Variants in PER3 observed in about 807,000 individuals in gnomAD.
The protein encoded by PER3 is period circadian regulator 3.
In PER3, 107 loss-of-function variants were observed where a neutral mutation model predicts 127.2. That is an observed-to-expected ratio of 0.84 (90% CI 0.72 to 0.99). The LOEUF is 0.99. PER3 is among the 50% of genes least tolerant of loss of function. The probability of loss-of-function intolerance (pLI) is 0.00; values close to 1 mark genes in which losing one functional copy is unlikely to be tolerated. For synonymous variants in PER3, 618 were observed against 585.8 expected, an observed-to-expected ratio of 1.05 and a Z score of -0.79; for missense variants, 1,560 against 1,525.8, an observed-to-expected ratio of 1.02 and a Z score of -0.37.
intron 21 of PER3, among the ~76,000 whole-genome samples, chr1:7,839,222 G>A (rs1473200542): frequency 3.3e-5 from 5 of 152,156 alleles, no homozygotes; most frequent in Non-Finnish European, 5.9e-5. Context: ...ACTCGCTTCT[G>A]TAGAGCTCCA....
chr1:7,820,084 A>G lies in PER3; in HGVS notation c.1659-31A>G, dbSNP rs1415166094. 5 of 1,607,826 alleles carry G rather than the reference A, an allele frequency of 3.1e-6. No individual in the cohort carries two copies. The African/African-American group carries it at 6.7e-5, about 22-fold the overall frequency. On this transcript the variant is annotated intron_variant, in intron 14 of 21. Transcript: ENST00000377532. ...GAAATGGCACAATTAGGGAACAGGTAAGAATGTGTGGCCTAATTATGTTGT... is the reference window on the plus strand; with the variant it reads ...GAAATGGCACAATTAGGGAACAGGTGAGAATGTGTGGCCTAATTATGTTGT...
chr1:7,835,181 G>C (rs370259969), intron 19 of PER3, among the ~76,000 whole-genome samples: 11 of 152,128 alleles, frequency 7.2e-5, no homozygotes, highest in African/African-American at 2.2e-4. Flanking sequence ...AGGATTCCCA[G>C]GTATTTTGAT....
Position 7,827,617 on chromosome 1 carries a change from T to TC in PER3, c.2690dup (p.Thr898AsnfsTer50), listed in dbSNP as rs1292458436. Reference sequence around the variant, plus strand: ...CACCCTCAATGTCGTCAGCAATGAGTCCAACTCTGGACCCACCCCCTTCAG... The same window carrying TC: ...CACCCTCAATGTCGTCAGCAATGAGTCCCAACTCTGGACCCACCCCCTTCAG... On this transcript the variant is annotated frameshift_variant, in exon 18 of 22. Transcript: ENST00000377532. LOFTEE classifies it high-confidence loss of function. 4 of 1,613,870 alleles carry TC rather than the reference T, an allele frequency of 2.5e-6. No individual in the cohort carries two copies. The highest frequency in any genetic ancestry group is 2.2e-5 in the South Asian group (2 of 91,084).
chr1:7,814,878 C>T (rs969574033), intron 13 of PER3, among the ~76,000 whole-genome samples: 3 of 152,030 alleles, frequency 2.0e-5, no homozygotes, highest in African/African-American at 7.3e-5. Context: ...ACACTGAGTA[C>T]TCAAGAATAT....
intron 13 of PER3, among the ~76,000 whole-genome samples, chr1:7,813,454 A>G (rs1040279914): frequency 6.6e-6 from 1 of 152,196 alleles, no homozygotes; most frequent in Non-Finnish European, 1.5e-5. Context: ...ACATATTTGC[A>G]GGGAGGAGCA....
rs546226114 is a variant in PER3, at chr1:7,839,096, G to A, written c.3549+1947G>A. On this transcript the variant is annotated intron_variant, in intron 21 of 21. Coordinates refer to ENST00000377532, the MANE Select transcript of PER3 (RefSeq NM_001377275.1). ...AAATGTAATGCCCTGCTCATTTCCT[G>A]TTGTGTATATTGTGTAGCTATTTTC... Among the ~76,000 whole-genome samples the A allele has an allele frequency of 5.9e-5, 9 of 152,116 alleles. 1 individual carries two copies. The highest frequency in any genetic ancestry group is 2.2e-4 in the African/African-American group (9 of 41,460).
At chr1:7,818,778 C>G (rs1225559223) in intron 13 of PER3, among the ~76,000 whole-genome samples, 2 of 152,222 alleles carry the variant, frequency 1.3e-5, no homozygotes, top group African/African-American at 4.8e-5. Context: ...GTTACGTTAG[C>G]ACATATAATA....
intron 2 of PER3, 118 bp from the exon 3 acceptor site, chr1:7,785,323 T>C (rs1319622778): frequency 2.6e-6 from 2 of 772,638 alleles, no homozygotes; most frequent in Non-Finnish European, 4.3e-6. Flanking sequence ...GTCACCACCC[T>C]GTGGACTGAT....
At chr1:7,797,306 T>C (rs1057477541) in intron 6 of PER3, among the ~76,000 whole-genome samples, 17 of 151,720 alleles carry the variant, frequency 1.1e-4, no homozygotes, top group African/African-American at 3.9e-4. Flanking sequence ...GGGTGCAGAG[T>C]GGGAGAAGAT....
chr1:7,823,715 G>A (rs1001733180), intron 16 of PER3, among the ~76,000 whole-genome samples: 1 of 151,186 alleles, frequency 6.6e-6, no homozygotes. Flanking sequence ...TTGGAAAATT[G>A]TACACTCCCT....
At chr1:7,789,210 T>C in intron 5 of PER3, among the ~76,000 whole-genome samples, 1 of 151,726 alleles carries the variant, frequency 6.6e-6, no homozygotes, top group Non-Finnish European at 1.5e-5. Context: ...AAAAAATTCA[T>C]TGTAGTAAAA....
chr1:7,830,485 C>T (rs771720329), intron 19 of PER3, among the ~76,000 whole-genome samples: 1 of 152,202 alleles, frequency 6.6e-6, no homozygotes, highest in South Asian at 2.1e-4. Flanking sequence ...TCCTGGCAGC[C>T]ACTGGTTTGC....
At chr1:7,786,694 A>G (rs1471927846) in intron 3 of PER3, 27 bp from the exon 4 acceptor site, 1 of 1,137,882 alleles carries the variant, frequency 8.8e-7, no homozygotes, top group East Asian at 2.3e-5. Context: ...TCACTGGACT[A>G]CCTGTTTATC....
intron 18 of PER3, 76 bp from the exon 19 acceptor site, chr1:7,829,758 A>C: frequency 1.6e-6 from 2 of 1,264,372 alleles, no homozygotes; most frequent in Non-Finnish European, 2.3e-6. Flanking sequence ...AGAAAGCAAA[A>C]CCATGAATAA....
chr1:7,785,697 G>T, intron 3 of PER3, 111 bp downstream of exon 3: 5 of 789,502 alleles, frequency 6.3e-6, no homozygotes, highest in South Asian at 4.3e-5. Context: ...AGCTTTTTCT[G>T]GTGCTTTGTG....
chr1:7,810,213 A>G, intron 12 of PER3, 192 bp downstream of exon 12: 1 of 656,148 alleles, frequency 1.5e-6, no homozygotes. Context: ...TGATATTTGA[A>G]TTAATTGTAT....
intron 10 of PER3, among the ~76,000 whole-genome samples, chr1:7,804,809 A>C (rs1019996963): frequency 4.6e-5 from 7 of 151,552 alleles, no homozygotes; most frequent in African/African-American, 1.7e-4. Flanking sequence ...GAACGAGACC[A>C]GCCCGGCCCA....
At chr1:7,788,379 A>G in intron 5 of PER3, 133 bp downstream of exon 5, 1 of 656,000 alleles carries the variant, frequency 1.5e-6, no homozygotes, top group African/African-American at 1.8e-5. Flanking sequence ...TGTTATAGAA[A>G]GTCACGTGAT....
intron 19 of PER3, among the ~76,000 whole-genome samples, chr1:7,834,190 C>T (rs1026234928): frequency 6.6e-6 from 1 of 151,998 alleles, no homozygotes; most frequent in Non-Finnish European, 1.5e-5. Context: ...AAAGTGCTGG[C>T]ATTACAGGTG....
Sources: gnomAD v4.1 joint callset for allele counts (sites outside exome capture counted in the v4.1 genomes callset) on GRCh38, gnomAD v4.1.1 for gene constraint, MANE v1.5 for transcripts, NCBI Gene and HGNC (gene_info 2026-07-23, HGNC 2026-07-21) for gene names.